Variants in GUCY1A2 observed in about 807,000 individuals in gnomAD.
The protein encoded by GUCY1A2 is guanylate cyclase soluble subunit alpha-2.
In GUCY1A2, 27 loss-of-function variants were observed where a neutral mutation model predicts 63.5. The ratio of observed to expected loss-of-function variants is 0.43; its 90% CI spans 0.31 to 0.59. The LOEUF (loss-of-function observed/expected upper bound fraction) is 0.59. Ranked by LOEUF, GUCY1A2 falls within the 20% of genes least tolerant of loss-of-function variation. GUCY1A2 has a pLI of 0.11. For missense variants in GUCY1A2, 768 were observed against 913.3 expected, an observed-to-expected ratio of 0.84 and a Z score of 2.05; for synonymous variants, 364 against 343.5, an observed-to-expected ratio of 1.06 and a Z score of -0.66.
intron 3 of GUCY1A2, among the ~76,000 whole-genome samples, chr11:106,970,547 G>A (rs1861180260): frequency 6.6e-6 from 1 of 152,186 alleles, no homozygotes; most frequent in African/African-American, 2.4e-5. Context: ...GAAGGCACAT[G>A]TATTAGAATG....
At chr11:106,753,841 C>A (rs2135386911) in intron 6 of GUCY1A2, among the ~76,000 whole-genome samples, 1 of 152,200 alleles carries the variant, frequency 6.6e-6, no homozygotes, top group African/African-American at 2.4e-5. Flanking sequence ...AATGTGGGCT[C>A]TTTTTTGGTT....
chr11:106,707,627 G>A (rs555185880), intron 7 of GUCY1A2, among the ~76,000 whole-genome samples: 1 of 152,056 alleles, frequency 6.6e-6, no homozygotes, highest in South Asian at 2.1e-4. Flanking sequence ...AATATTTACA[G>A]AGTGCTTATT....
chr11:106,971,823 A>C (rs1207549662), intron 3 of GUCY1A2, among the ~76,000 whole-genome samples: 1 of 152,140 alleles, frequency 6.6e-6, no homozygotes, highest in African/African-American at 2.4e-5. Context: ...CCATTCTCCA[A>C]TAAAAGGTAT....
At chr11:106,829,319 G>C (rs983471757) in intron 4 of GUCY1A2, among the ~76,000 whole-genome samples, 2 of 152,150 alleles carry the variant, frequency 1.3e-5, no homozygotes, top group African/African-American at 4.8e-5. Flanking sequence ...CCTGATTGGG[G>C]CCTGTCTCAC....
At chr11:106,778,890 T>C (rs1173755969) in intron 5 of GUCY1A2, among the ~76,000 whole-genome samples, 2 of 152,050 alleles carry the variant, frequency 1.3e-5, no homozygotes, top group African/African-American at 4.8e-5. Flanking sequence ...GCTATGTAGA[T>C]CTGTATAGGA....
intron 2 of GUCY1A2, among the ~76,000 whole-genome samples, chr11:106,983,585 C>T (rs748953327): frequency 1.3e-5 from 2 of 152,050 alleles, no homozygotes; most frequent in Non-Finnish European, 2.9e-5. Flanking sequence ...AGATTAAGGG[C>T]AGAGTTTTCA....
At chr11:106,748,736 A>G (rs188228117) in intron 6 of GUCY1A2, among the ~76,000 whole-genome samples, 1 of 152,326 alleles carries the variant, frequency 6.6e-6, no homozygotes, top group African/African-American at 2.4e-5. Context: ...TATTTTTAAT[A>G]CGCTAATATT....
chr11:107,005,056 C>T (rs939324195), intron 1 of GUCY1A2, among the ~76,000 whole-genome samples: 1 of 152,142 alleles, frequency 6.6e-6, no homozygotes, highest in Non-Finnish European at 1.5e-5. Context: ...ACACTAAGCA[C>T]ACTGCCCGAT....
At chr11:106,724,455 T>C (rs1863369415) in intron 6 of GUCY1A2, among the ~76,000 whole-genome samples, 1 of 152,156 alleles carries the variant, frequency 6.6e-6, no homozygotes, top group Non-Finnish European at 1.5e-5. Flanking sequence ...TCCGGCCCCA[T>C]CTCACTCTCT....
Position 106,809,981 on chromosome 11 carries a change from A to G in GUCY1A2, c.1692+12T>C, listed in dbSNP as rs1370506341. On this transcript the variant is annotated intron_variant, in intron 5 of 7. Transcript: ENST00000526355. ...AAAAAACATTTATATGTAAGTAACT[A>G]AACTCCCTTACCTTATAAATATCCA... 6.6e-7 allele frequency: 1 copy of G among 1,524,874 alleles called. No individual in the cohort carries two copies. The highest frequency in any genetic ancestry group is 8.9e-7 in the Non-Finnish European group (1 of 1,117,704). 94.5% of individuals were successfully genotyped at this position (1,524,874 alleles called of 1,614,324 possible).
At chr11:106,809,946 A>T (rs746342247) in intron 5 of GUCY1A2, 47 bp downstream of exon 5, 1 of 1,231,036 alleles carries the variant, frequency 8.1e-7, no homozygotes, top group South Asian at 1.5e-5. Context: ...TCACATGACA[A>T]TTTACTATTA....
intron 4 of GUCY1A2, among the ~76,000 whole-genome samples, chr11:106,870,855 C>T (rs773145988): frequency 1.3e-5 from 2 of 152,220 alleles, no homozygotes; most frequent in Non-Finnish European, 2.9e-5. Flanking sequence ...CATCATATTG[C>T]ACTCAACCTT....
chr11:106,869,357 C>T (rs1859640899), intron 4 of GUCY1A2, among the ~76,000 whole-genome samples: 1 of 152,080 alleles, frequency 6.6e-6, no homozygotes, highest in Admixed American at 6.6e-5. Context: ...GCAATCTGCT[C>T]ATCTGACAAA....
chr11:106,835,374 G>A (rs1859102975), intron 4 of GUCY1A2, among the ~76,000 whole-genome samples: 1 of 151,758 alleles, frequency 6.6e-6, no homozygotes, highest in Non-Finnish European at 1.5e-5. Context: ...ACCGTAACAT[G>A]TAGAACAAAG....
In GUCY1A2 at chr11:106,939,900, C is replaced by A. The variant is rs780296911; in HGVS notation, c.766G>T (p.Ala256Ser). 6.2e-7 allele frequency: 1 copy of A among 1,614,096 alleles called. No homozygotes were observed. Among genetic ancestry groups the A allele is most frequent in the South Asian group, 1.1e-5 (1 of 91,086 alleles). The change falls in exon 4 of 8, where the codon GCT becomes TCT. Residue 256 changes from alanine to serine, a missense_variant. Transcript: ENST00000526355. ...AGCCGATAGATCTTCTTTCCTGCAGCCTTAATCATCCCCAGCATTGCAAAC... is the reference window on the plus strand; with the variant it reads ...AGCCGATAGATCTTCTTTCCTGCAGACTTAATCATCCCCAGCATTGCAAAC... ...VGFAMLGMIKAAGKKIYRLDV... is the reference protein window; with the variant it reads ...VGFAMLGMIKSAGKKIYRLDV...
chr11:106,815,772 A>C (rs1480267591), intron 4 of GUCY1A2, among the ~76,000 whole-genome samples: 1 of 151,906 alleles, frequency 6.6e-6, no homozygotes, highest in Non-Finnish European at 1.5e-5. Context: ...CCACACATGC[A>C]CACAGACACA....
At chr11:106,946,907 T>C (rs185724003) in intron 3 of GUCY1A2, among the ~76,000 whole-genome samples, 306 of 152,228 alleles carry the variant, frequency 2.0e-3, no homozygotes, top group African/African-American at 7.0e-3. Context: ...TTCAAAATTA[T>C]ATATTTTCAA....
rs955011427 is a variant in GUCY1A2, at chr11:106,794,586, T to C, written c.1692+15407A>G. ...ATTAATTTGATTGTAATAATCATTA[T>C]ACAATCTATGCATATATCAAATTGT... On this transcript the variant is annotated intron_variant, in intron 5 of 7. Coordinates refer to ENST00000526355, the MANE Select transcript of GUCY1A2 (RefSeq NM_000855.3). Among the ~76,000 whole-genome samples the C allele has an allele frequency of 2.0e-5, 3 of 152,122 alleles. No individual in the cohort carries two copies. The South Asian group carries it at 6.2e-4, about 31-fold the overall frequency.
chr11:106,819,601 A>C (rs1858875256), intron 4 of GUCY1A2, among the ~76,000 whole-genome samples: 1 of 152,178 alleles, frequency 6.6e-6, no homozygotes, highest in Non-Finnish European at 1.5e-5. Flanking sequence ...TTTTTTATTA[A>C]GGTATATACA....
Sources: gnomAD v4.1 joint callset for allele counts (sites outside exome capture counted in the v4.1 genomes callset) on GRCh38, gnomAD v4.1.1 for gene constraint, MANE v1.5 for transcripts, NCBI Gene and HGNC (gene_info 2026-07-23, HGNC 2026-07-21) for gene names.